Variants in CEP89 observed in about 807,000 individuals in gnomAD.
CEP89 encodes the protein centrosomal protein 89.
CEP89 carries 95 observed loss-of-function variants against 97.6 expected under a neutral mutation model. That is an observed-to-expected ratio of 0.97 (90% CI 0.82 to 1.15). The LOEUF is 1.15. CEP89 is among the 50% of genes most tolerant of loss of function. The probability of loss-of-function intolerance (pLI) is 0.00; values close to 1 mark genes in which losing one functional copy is unlikely to be tolerated. For missense variants in CEP89, 869 were observed against 947.7 expected (o/e 0.92, Z 1.09); for synonymous variants, 354 against 349.1 (o/e 1.01, Z -0.16).
chr19:32,971,646 G>T, intron 1 of CEP89, 190 bp downstream of exon 1: 1 of 614,440 alleles, frequency 1.6e-6, no homozygotes, highest in South Asian at 2.0e-5. Context: ...GACAGAGCGA[G>T]ACCCTGTTTC....
At position 32,936,475 on chromosome 19, in the gene CEP89, C is replaced by T. The variant is rs1042547649; in HGVS notation, c.667+1156G>A. Among the ~76,000 whole-genome samples the T allele has an allele frequency of 2.6e-5, 4 of 152,096 alleles. No individual in the cohort carries two copies. Among genetic ancestry groups the T allele is most frequent in the South Asian group, 2.1e-4 (1 of 4,832 alleles). ...CCCCGGTGAGGCCCCGCCTTCAGGT[C>T]GGAGAGGGCCTGAAGGCTGGGGACC... On this transcript the variant is annotated intron_variant, in intron 7 of 18. Coordinates refer to ENST00000305768, the MANE Select transcript of CEP89 (RefSeq NM_032816.5). The surrounding 1 kb of genome is among the most constrained non-coding windows in gnomAD (Gnocchi z 4.5).
intron 9 of CEP89, among the ~76,000 whole-genome samples, chr19:32,927,615 T>C (rs1970387605): frequency 6.6e-6 from 1 of 152,140 alleles, no homozygotes; most frequent in Non-Finnish European, 1.5e-5. Context: ...TCCTTTTTTT[T>C]TCCTTCTGAG....
chr19:32,939,959 A>G (rs1211969424), intron 5 of CEP89, 74 bp from the exon 6 acceptor site: 6 of 733,182 alleles, frequency 8.2e-6, no homozygotes, highest in Non-Finnish European at 4.7e-6. Context: ...AAGTACAATC[A>G]TAGAAATTCA....
At chr19:32,926,067 C>CT in intron 11 of CEP89, 123 bp downstream of exon 11, 1 of 744,332 alleles carries the variant, frequency 1.3e-6, no homozygotes, top group Non-Finnish European at 2.3e-6. Context: ...TTTCTGTCCT[C>CT]TAATAAACAT....
chr19:32,944,650 A>T (rs1970758584), intron 5 of CEP89, among the ~76,000 whole-genome samples: 1 of 151,884 alleles, frequency 6.6e-6, no homozygotes, highest in Admixed American at 6.6e-5. Context: ...TAAGGAGAAG[A>T]AGGAGGAAGT....
intron 7 of CEP89, among the ~76,000 whole-genome samples, chr19:32,934,733 CAA>C: frequency 6.6e-6 from 1 of 152,280 alleles, no homozygotes; most frequent in African/African-American, 2.4e-5. Context: ...TGAAATGTGC[CAA>C]GAGAGGGCAG....
chr19:32,879,232 G>A lies in CEP89; in HGVS notation c.2282C>T (p.Ser761Phe). ...GCAGCCGTCCAGCAGGTCTGCCTGA[G>A]AGACGCCATTGAGGCTGGGGGCAAC... ...ALVAPSLNGVSQADLLDGCDV... is the reference protein window; with the variant it reads ...ALVAPSLNGVFQADLLDGCDV... Residue 761 changes from serine (S) to phenylalanine (F), a missense_variant, in exon 19 of 19, where the codon TCT (serine) becomes TTT (phenylalanine). Transcript: ENST00000305768. 4 of 1,614,210 alleles carry A rather than the reference G, an allele frequency of 2.5e-6. No individual in the cohort carries two copies. The highest frequency in any genetic ancestry group is 2.5e-6 in the Non-Finnish European group (3 of 1,180,026).
Position 32,936,318 on chromosome 19 carries a change from C to T in CEP89, c.667+1313G>A, listed in dbSNP as rs941121443. Among the ~76,000 whole-genome samples the T allele has an allele frequency of 6.6e-6, 1 of 152,176 alleles. No individual in the cohort carries two copies. The highest frequency in any genetic ancestry group is 2.4e-5 in the African/African-American group (1 of 41,440). ...TCCAGACTTTGGGCACCCATGAGCA[C>T]AGGAGGGAAAGACAAGGGGGTGCTG... On this transcript the variant is annotated intron_variant, in intron 7 of 18. Transcript: ENST00000305768. The surrounding 1 kb of genome is among the most constrained non-coding windows in gnomAD (Gnocchi z 4.5).
chr19:32,933,741 T>C, intron 7 of CEP89, 72 bp from the exon 8 acceptor site: 2 of 1,062,668 alleles, frequency 1.9e-6, no homozygotes, highest in Non-Finnish European at 2.9e-6. Flanking sequence ...TCAACTGACT[T>C]TGTTCCAAAA....
At chr19:32,951,806 TA>T (rs1171568039) in intron 4 of CEP89, among the ~76,000 whole-genome samples, 1 of 152,030 alleles carries the variant, frequency 6.6e-6, no homozygotes, top group African/African-American at 2.4e-5. Flanking sequence ...CAGACTTGCC[TA>T]AAAAAACAAA....
In CEP89 at chr19:32,881,881, T is replaced by A. The variant is rs1172136755; in HGVS notation, c.2098A>T (p.Lys700Ter). 6.2e-7 allele frequency: 1 copy of A among 1,606,328 alleles called. No individual in the cohort carries two copies. The highest frequency in any genetic ancestry group is 1.7e-5 in the Admixed American group (1 of 59,816). Reference sequence around the variant, plus strand: ...AGCGCCTGGTCCAGCACCTCCTGCTTGTCCTTCAGCACCTGGTGCAGGTGC... The same window carrying A: ...AGCGCCTGGTCCAGCACCTCCTGCTAGTCCTTCAGCACCTGGTGCAGGTGC... Reference protein sequence around the residue: ...MRHLHQVLKDKQEVLDQALQQ... With the variant: ...MRHLHQVLKD The change falls in exon 18 of 19, where the codon AAG becomes TAG. Residue 700 changes from lysine to a stop codon, truncating the protein, a stop_gained. Coordinates refer to ENST00000305768, the MANE Select transcript of CEP89 (RefSeq NM_032816.5). LOFTEE classifies it low-confidence loss of function (END_TRUNC).
chr19:32,921,339 G>C (rs1009068372), intron 12 of CEP89, among the ~76,000 whole-genome samples: 109 of 152,194 alleles, frequency 7.2e-4, no homozygotes, highest in African/African-American at 2.5e-3. Flanking sequence ...AGAGCGGCAA[G>C]GTCTGCCCAC....
intron 1 of CEP89, among the ~76,000 whole-genome samples, chr19:32,967,128 C>G (rs1971300430): frequency 6.6e-6 from 1 of 152,100 alleles, no homozygotes; most frequent in Non-Finnish European, 1.5e-5. Context: ...ACCTGGCCCA[C>G]TCTCTTATCT....
rs768734349 is a variant in CEP89, at chr19:32,918,180, T to C, written c.1384+44A>G. The C allele has an allele frequency of 6.3e-6, 9 of 1,422,666 alleles. No individual in the cohort carries two copies. In the African/African-American group the frequency reaches 9.9e-5, roughly 16 times the overall value. The allele number at this position is 1,422,666 out of a possible 1,614,324, so 88.1% of individuals were successfully genotyped here. A position where few individuals can be genotyped will look rare whatever the true frequency, so the allele number is the denominator to read the frequency against. ...GAGAGATAGAAGGGTAAAATGACAA[T>C]AGTGACATCAATGCATGACCAGTCC... is the stretch of plus-strand genomic sequence containing the variant. On this transcript the variant is annotated intron_variant, in intron 13 of 18. Transcript: ENST00000305768.
At chr19:32,953,477 C>T (rs1970968568) in intron 4 of CEP89, 138 bp downstream of exon 4, 4 of 627,472 alleles carry the variant, frequency 6.4e-6, no homozygotes, top group Admixed American at 2.5e-5. Context: ...TGAGGCTGGA[C>T]ACGTTTAAAA....
intron 7 of CEP89, among the ~76,000 whole-genome samples, chr19:32,935,513 C>T (rs1015299213): frequency 3.9e-5 from 6 of 152,126 alleles, no homozygotes; most frequent in African/African-American, 1.4e-4. Context: ...TGGGCTGAGC[C>T]GCAGGATACA....
At chr19:32,920,861 GA>G (rs1970232622) in intron 12 of CEP89, among the ~76,000 whole-genome samples, 1 of 151,974 alleles carries the variant, frequency 6.6e-6, no homozygotes, top group Admixed American at 6.6e-5. Context: ...GTTAGGAAAA[GA>G]AATATACAAA....
At chr19:32,959,801 G>A in intron 3 of CEP89, 99 bp downstream of exon 3, 1 of 1,324,630 alleles carries the variant, frequency 7.5e-7, no homozygotes, top group Non-Finnish European at 1.0e-6. Flanking sequence ...AGGTACACAT[G>A]CACACACATG....
rs1970605355 is a variant in CEP89 at position 32,937,633 on chromosome 19, G to A, written c.665C>T (p.Pro222Leu). 1 of 1,600,910 alleles carries A rather than the reference G, an allele frequency of 6.2e-7. No homozygotes were observed. The highest frequency in any genetic ancestry group is 8.6e-7 in the Non-Finnish European group (1 of 1,169,128). The change falls in exon 7 of 19, where the codon CCA (proline) becomes CTA (leucine). Residue 222 changes from proline (P) to leucine (L), a missense_variant and splice_region_variant. Coordinates refer to ENST00000305768, the MANE Select transcript of CEP89 (RefSeq NM_032816.5). ...PPLCEKPPPS[P>L]DITGRARQRY... ...AATATAATTCAAAAGGCAAATACCT[G>A]GGGAGGGTGGAGGTTTCTCACATAA...
Sources: allele counts gnomAD v4.1 joint callset (sites outside exome capture counted in the v4.1 genomes callset), GRCh38; gene constraint gnomAD v4.1.1; non-coding constraint Gnocchi (gnomAD v3.1); transcripts MANE v1.5; gene names NCBI Gene and HGNC (gene_info 2026-07-23, HGNC 2026-07-21).